The following MTHFD1L variants were observed in gnomAD, a reference collection of about 807,000 sequenced individuals.
MTHFD1L encodes monofunctional C1-tetrahydrofolate synthase, mitochondrial.
A neutral mutation model predicts 119.5 loss-of-function variants in MTHFD1L; 81 were observed. That is an observed-to-expected ratio of 0.68 (90% confidence interval 0.57 to 0.82). MTHFD1L has a LOEUF of 0.82. Ranked by LOEUF, MTHFD1L falls within the 40% of genes least tolerant of loss-of-function variation. The probability of loss-of-function intolerance (pLI) is 0.00; values close to 1 mark genes in which losing one functional copy is unlikely to be tolerated. For synonymous variants in MTHFD1L, 430 were observed against 475.2 expected (o/e 0.90, Z 1.24); for missense variants, 1,125 against 1,253.4 (o/e 0.90, Z 1.55).
intron 26 of MTHFD1L, among the ~76,000 whole-genome samples, chr6:151,079,699 C>T (rs998915829): frequency 2.4e-4 from 37 of 151,414 alleles, no homozygotes; most frequent in South Asian, 4.2e-4. Flanking sequence ...ATGTTGGTCA[C>T]GCTGGTCTCA....
At chr6:150,968,701 A>C (rs559838263) in intron 19 of MTHFD1L, among the ~76,000 whole-genome samples, 4 of 150,128 alleles carry the variant, frequency 2.7e-5, no homozygotes, top group Admixed American at 6.7e-5. Context: ...TTTTAAGTAG[A>C]GATGGGGTTT....
chr6:151,014,629 T>C (rs1278146488), intron 22 of MTHFD1L, among the ~76,000 whole-genome samples: 4 of 152,234 alleles, frequency 2.6e-5, no homozygotes, highest in Non-Finnish European at 4.4e-5. Context: ...GCGCATTGCA[T>C]AGACCCTGCA....
intron 26 of MTHFD1L, among the ~76,000 whole-genome samples, chr6:151,057,977 A>G (rs1479300723): frequency 6.6e-6 from 1 of 151,950 alleles, no homozygotes; most frequent in Admixed American, 6.6e-5. Flanking sequence ...CAGTTTCACC[A>G]TATTGGCCAG....
At chr6:150,944,886 C>G (rs1292879877) in intron 14 of MTHFD1L, among the ~76,000 whole-genome samples, 3 of 152,188 alleles carry the variant, frequency 2.0e-5, no homozygotes, top group Non-Finnish European at 4.4e-5. Flanking sequence ...TAGACCAGTT[C>G]TCTTCATTCT....
chr6:151,012,051 A>AAAAC (rs1782351135), intron 21 of MTHFD1L, among the ~76,000 whole-genome samples: 4 of 146,214 alleles, frequency 2.7e-5, no homozygotes, highest in Admixed American at 6.9e-5. Flanking sequence ...AAAAAAAAAA[A>AAAAC]CCAGCAGGGA....
At chr6:150,889,737 T>C (rs1363274740) in intron 7 of MTHFD1L, among the ~76,000 whole-genome samples, 2 of 152,230 alleles carry the variant, frequency 1.3e-5, no homozygotes, top group Non-Finnish European at 2.9e-5. Context: ...GTTAGCCATA[T>C]TGACAAATGT....
chr6:150,936,873 A>G lies in MTHFD1L; in HGVS notation c.1326A>G (p.Ala442=), dbSNP rs200947559. The G allele has an allele frequency of 2.8e-5, 45 of 1,614,124 alleles. No homozygotes were observed. In the Admixed American group the frequency reaches 5.3e-4, roughly 19 times the overall value. ...TCGGGCTTGTGCAGGCTCTGACCGC[A>G]CACCTGAATGTCAACTCCTTTGCCT... ...VTIGLVQALT[A]HLNVNSFACL... is the part of the protein sequence containing the mutation. The change falls in exon 12 of 28, where the codon GCA becomes GCG. Residue 442 remains alanine (A), a synonymous_variant. Transcript: ENST00000367321.
chr6:150,904,736 A>G (rs1048682947), intron 7 of MTHFD1L, among the ~76,000 whole-genome samples: 4 of 152,124 alleles, frequency 2.6e-5, no homozygotes, highest in African/African-American at 9.7e-5. Context: ...CTTAATGTCA[A>G]CTTCCTACCA....
chr6:151,093,652 C>T (rs1170780596), intron 27 of MTHFD1L, among the ~76,000 whole-genome samples: 2 of 151,520 alleles, frequency 1.3e-5, no homozygotes, highest in Non-Finnish European at 2.9e-5. Flanking sequence ...CAAGACTCTC[C>T]TTCTAAAAAA....
chr6:151,053,704 A>G (rs1432474783), intron 26 of MTHFD1L, among the ~76,000 whole-genome samples: 1 of 152,004 alleles, frequency 6.6e-6, no homozygotes, highest in Non-Finnish European at 1.5e-5. Flanking sequence ...TACTAAAAAT[A>G]CAAAAATTAG....
chr6:150,994,436 C>G (rs1253558821), intron 20 of MTHFD1L, among the ~76,000 whole-genome samples: 3 of 152,074 alleles, frequency 2.0e-5, no homozygotes, highest in African/African-American at 4.8e-5. Flanking sequence ...GGTGAGTTGC[C>G]AATCCACTGT....
intron 26 of MTHFD1L, among the ~76,000 whole-genome samples, chr6:151,053,702 A>G (rs954854242): frequency 2.0e-5 from 3 of 152,040 alleles, no homozygotes; most frequent in Non-Finnish European, 2.9e-5. Context: ...TCTACTAAAA[A>G]TACAAAAATT....
chr6:150,880,168 A>G (rs116535797), intron 4 of MTHFD1L, among the ~76,000 whole-genome samples: 130 of 152,114 alleles, frequency 8.5e-4, no homozygotes, highest in African/African-American at 2.5e-3. Flanking sequence ...AGCTTTAGTC[A>G]CTCTACTATG....
chr6:151,002,218 G>C (rs1449158813), intron 20 of MTHFD1L, among the ~76,000 whole-genome samples: 3 of 152,220 alleles, frequency 2.0e-5, no homozygotes, highest in African/African-American at 7.2e-5. Flanking sequence ...GACTTTGGCA[G>C]AGGTTGCTAG....
At chr6:150,881,838 A>G (rs951972565) in intron 4 of MTHFD1L, among the ~76,000 whole-genome samples, 12 of 152,326 alleles carry the variant, frequency 7.9e-5, no homozygotes, top group Non-Finnish European at 1.5e-4. Context: ...AAGAATGCCA[A>G]ATGAATGAAA....
intron 5 of MTHFD1L, among the ~76,000 whole-genome samples, chr6:150,885,315 G>A (rs1486651156): frequency 6.6e-6 from 1 of 151,392 alleles, no homozygotes; most frequent in African/African-American, 2.4e-5. Context: ...TCCTGCCTCA[G>A]CCCCCTAGTA....
intron 10 of MTHFD1L, among the ~76,000 whole-genome samples, chr6:150,925,428 G>A (rs533585884): frequency 1.2e-4 from 19 of 152,208 alleles, no homozygotes; most frequent in African/African-American, 4.6e-4. Context: ...CCTGTAAGAC[G>A]AGCAGTGGTG....
chr6:150,913,167 AT>A (rs1230704294), intron 8 of MTHFD1L, among the ~76,000 whole-genome samples: 21 of 145,630 alleles, frequency 1.4e-4, no homozygotes, highest in African/African-American at 2.0e-4. Context: ...TGCCCAACTA[AT>A]TTTTTTTTTT....
At chr6:150,986,769 AT>A (rs1173134139) in intron 20 of MTHFD1L, among the ~76,000 whole-genome samples, 16 of 152,134 alleles carry the variant, frequency 1.1e-4, no homozygotes, top group African/African-American at 3.9e-4. Context: ...CAGTGGCACA[AT>A]ATCGGCTCAC....
Sources: allele counts gnomAD v4.1 joint callset (sites outside exome capture counted in the v4.1 genomes callset), GRCh38; gene constraint gnomAD v4.1.1; transcripts MANE v1.5; gene names NCBI Gene and HGNC (gene_info 2026-07-23, HGNC 2026-07-21).